The following FHIT variants were observed in gnomAD, a reference collection of about 807,000 sequenced individuals.
The protein encoded by FHIT is fragile histidine triad diadenosine triphosphatase.
A neutral mutation model predicts 17.9 loss-of-function variants in FHIT; 19 were observed. The observed-to-expected ratio is 1.06, with a 90% CI of 0.74 to 1.56. FHIT has a LOEUF of 1.56. FHIT is among the 40% of genes most tolerant of loss of function. The pLI, the probability that FHIT is intolerant of heterozygous loss-of-function variation, is 0.00. For synonymous variants in FHIT, 81 were observed against 69.7 expected, an observed-to-expected ratio of 1.16 and a Z score of -0.81; for missense variants, 248 against 189.2, an observed-to-expected ratio of 1.31 and a Z score of -1.82.
chr3:61,194,619 T>TTGCA (rs2038804854), intron 2 of FHIT, among the ~76,000 whole-genome samples: 1 of 152,192 alleles, frequency 6.6e-6, no homozygotes, highest in African/African-American at 2.4e-5. Context: ...TTATGAGGAA[T>TTGCA]TGCATTTCCC....
intron 3 of FHIT, among the ~76,000 whole-genome samples, chr3:60,977,231 G>A (rs1710296808): frequency 6.6e-6 from 1 of 152,180 alleles, no homozygotes; most frequent in African/African-American, 2.4e-5. Context: ...GGAAGCGGAA[G>A]CAAATAGTTC....
Position 61,251,403 on chromosome 3 carries a change from G to T in FHIT, c.-315C>A, listed in dbSNP as rs1467852122. Reference sequence around the variant, plus strand: ...CACTGGGTGGCCGCCTGAGGGACCCGGGAACAGAGGGCAAAAAGTCCTGTG... The same window carrying T: ...CACTGGGTGGCCGCCTGAGGGACCCTGGAACAGAGGGCAAAAAGTCCTGTG... On this transcript the variant is annotated 5_prime_UTR_variant, in exon 1 of 10. Coordinates refer to ENST00000492590, the MANE Select transcript of FHIT (RefSeq NM_002012.4). 6.6e-6 allele frequency: 1 copy of T among 152,512 alleles called. No individual in the cohort carries two copies. The highest frequency in any genetic ancestry group is 2.4e-5 in the African/African-American group (1 of 41,462). The allele number at this position is 152,512 out of a possible 1,614,324, so 9.4% of individuals were successfully genotyped here.
At chr3:60,930,655 C>T (rs1288063534) in intron 3 of FHIT, among the ~76,000 whole-genome samples, 1 of 152,114 alleles carries the variant, frequency 6.6e-6, no homozygotes, top group African/African-American at 2.4e-5. Flanking sequence ...CAAATCAAAA[C>T]CACAATGAGA....
intron 5 of FHIT, among the ~76,000 whole-genome samples, chr3:60,137,405 A>T (rs1340830437): frequency 1.3e-5 from 2 of 152,216 alleles, no homozygotes; most frequent in South Asian, 2.1e-4. Flanking sequence ...ACACTTTCTC[A>T]TTTAAGCAAA....
chr3:59,916,906 A>C (rs1371009144), intron 8 of FHIT, among the ~76,000 whole-genome samples: 1 of 152,244 alleles, frequency 6.6e-6, no homozygotes, highest in African/African-American at 2.4e-5. Flanking sequence ...AAAATTCTGA[A>C]ATACCCAGAA....
chr3:61,209,116 C>A (rs1315171794), intron 1 of FHIT, among the ~76,000 whole-genome samples: 2 of 152,050 alleles, frequency 1.3e-5, no homozygotes, highest in Admixed American at 6.5e-5. Context: ...GTTGAAAATT[C>A]TTTCCTTTAA....
chr3:60,357,937 A>G (rs932089261), intron 5 of FHIT, among the ~76,000 whole-genome samples: 1 of 152,192 alleles, frequency 6.6e-6, no homozygotes, highest in Admixed American at 6.5e-5. Context: ...AAAGACTCTC[A>G]TAATTGTATT....
intron 5 of FHIT, among the ~76,000 whole-genome samples, chr3:60,416,608 A>G (rs1341902782): frequency 6.6e-6 from 1 of 152,188 alleles, no homozygotes; most frequent in East Asian, 1.9e-4. Flanking sequence ...TCAAATATTC[A>G]TATCGTGATT....
chr3:60,823,772 G>C (rs1205648866), intron 3 of FHIT, among the ~76,000 whole-genome samples: 11 of 152,128 alleles, frequency 7.2e-5, no homozygotes, highest in Non-Finnish European at 2.9e-5. Context: ...TGGGGAGATT[G>C]TTGCATTTTT....
chr3:60,578,392 T>A (rs1270551398), intron 4 of FHIT, among the ~76,000 whole-genome samples: 2 of 147,106 alleles, frequency 1.4e-5, no homozygotes, highest in Non-Finnish European at 3.0e-5. Flanking sequence ...AGCCGAGATC[T>A]CACCACTGCA....
intron 5 of FHIT, among the ~76,000 whole-genome samples, chr3:60,199,092 C>A (rs1430755976): frequency 6.6e-6 from 1 of 152,054 alleles, no homozygotes; most frequent in African/African-American, 2.4e-5. Context: ...TATTTCTGTG[C>A]AAAAGAAGAG....
At chr3:60,800,864 C>T (rs984734721) in intron 4 of FHIT, among the ~76,000 whole-genome samples, 1 of 152,042 alleles carries the variant, frequency 6.6e-6, no homozygotes, top group Non-Finnish European at 1.5e-5. Context: ...CATAGGGGAT[C>T]CTCTAAGGTA....
intron 7 of FHIT, among the ~76,000 whole-genome samples, chr3:59,978,299 G>A (rs1304609807): frequency 2.6e-5 from 4 of 152,024 alleles, no homozygotes; most frequent in Non-Finnish European, 4.4e-5. Context: ...TCATAAAGCC[G>A]TGCTGAGAGG....
intron 7 of FHIT, among the ~76,000 whole-genome samples, chr3:60,009,981 A>G (rs1700078273): frequency 1.3e-5 from 2 of 152,300 alleles, no homozygotes; most frequent in South Asian, 4.1e-4. Flanking sequence ...TGTGCATCCC[A>G]CTTAATACAG....
intron 4 of FHIT, among the ~76,000 whole-genome samples, chr3:60,789,376 C>G (rs552264879): frequency 1.3e-5 from 2 of 151,986 alleles, no homozygotes; most frequent in Admixed American, 1.3e-4. Context: ...AAATTAGCTG[C>G]GCATGGTGGT....
intron 8 of FHIT, among the ~76,000 whole-genome samples, chr3:59,878,819 G>A (rs1396700943): frequency 6.6e-6 from 1 of 152,166 alleles, no homozygotes; most frequent in Non-Finnish European, 1.5e-5. Context: ...AGTTTAAAAT[G>A]TAGAAGGAGG....
chr3:60,446,184 C>T (rs973702083), intron 5 of FHIT, among the ~76,000 whole-genome samples: 2 of 152,042 alleles, frequency 1.3e-5, no homozygotes, highest in Middle Eastern at 3.2e-3. Flanking sequence ...GAAAAAAATC[C>T]AATTCTGATA....
chr3:61,183,347 T>G (rs775188159), intron 2 of FHIT, among the ~76,000 whole-genome samples: 3 of 152,234 alleles, frequency 2.0e-5, no homozygotes, highest in Admixed American at 6.5e-5. Context: ...CAGATCAGCT[T>G]TGCAGAAAGA....
intron 5 of FHIT, among the ~76,000 whole-genome samples, chr3:60,116,976 TTTAAATACA>T (rs1704992868): frequency 6.6e-6 from 1 of 152,184 alleles, no homozygotes; most frequent in Non-Finnish European, 1.5e-5. Flanking sequence ...AAAAAAATGA[TTTAAATACA>T]GGAAATAATT....
Sources: allele counts gnomAD v4.1 joint callset (sites outside exome capture counted in the v4.1 genomes callset), GRCh38; gene constraint gnomAD v4.1.1; transcripts MANE v1.5; gene names NCBI Gene and HGNC (gene_info 2026-07-23, HGNC 2026-07-21).